HDAC4: variants seen among roughly 807,000 people sequenced by gnomAD.
The protein encoded by HDAC4 is histone deacetylase 4.
HDAC4 carries 16 observed loss-of-function variants against 135.1 expected under a neutral mutation model. The observed-to-expected ratio is 0.12, with a 90% CI of 0.08 to 0.18. HDAC4 has a LOEUF of 0.18. Ranked by LOEUF, HDAC4 falls within the 10% of genes least tolerant of loss-of-function variation. The probability of loss-of-function intolerance (pLI) is 1.00; values close to 1 mark genes in which losing one functional copy is unlikely to be tolerated. For missense variants in HDAC4, 1,143 were observed against 1,511.8 expected (o/e 0.76, Z 4.05); for synonymous variants, 685 against 653.4 (o/e 1.05, Z -0.74).
At chr2:239,374,713 T>C (rs1414023823) in intron 1 of HDAC4, among the ~76,000 whole-genome samples, 3 of 152,222 alleles carry the variant, frequency 2.0e-5, no homozygotes, top group Non-Finnish European at 4.4e-5. Context: ...AACAAGGCTT[T>C]AAAAATTAAG....
chr2:239,157,746 C>A (rs1559528499), intron 6 of HDAC4, among the ~76,000 whole-genome samples: 1 of 152,198 alleles, frequency 6.6e-6, no homozygotes, highest in Non-Finnish European at 1.5e-5. Flanking sequence ...CACCAATGCA[C>A]CTGGAGTTAT....
intron 7 of HDAC4, among the ~76,000 whole-genome samples, chr2:239,152,956 A>T (rs141418347): frequency 1.8e-4 from 27 of 152,358 alleles, no homozygotes; most frequent in African/African-American, 5.0e-4. Flanking sequence ...AGCAATTTAA[A>T]GGTACATTTC....
intron 16 of HDAC4, chr2:239,102,503 T>G: frequency 2.2e-6 from 1 of 456,646 alleles, no homozygotes; most frequent in Non-Finnish European, 4.1e-6. Flanking sequence ...GCTGTGTTCC[T>G]AATCAGCCTC....
At chr2:239,063,956 G>A (rs1574874235) in intron 24 of HDAC4, among the ~76,000 whole-genome samples, 1 of 152,210 alleles carries the variant, frequency 6.6e-6, no homozygotes, top group African/African-American at 2.4e-5. Context: ...CTCCCTCAGC[G>A]GCTGCGCATG....
Position 239,068,707 on chromosome 2 carries a change from G to A in HDAC4, c.2751-100C>T, listed in dbSNP as rs761122093. ...CTCTGGCATTGATAATGCCTGCCCC[G>A]CACCCCCTCGGCCACTGGCGGGCTG... On this transcript the variant is annotated intron_variant, in intron 22 of 26. Coordinates refer to ENST00000543185, the MANE Select transcript of HDAC4 (RefSeq NM_001378414.1). The surrounding 1 kb of genome is among the most constrained non-coding windows in gnomAD (Gnocchi z 4.4). 80 of 1,024,328 alleles carry A rather than the reference G, an allele frequency of 7.8e-5. 1 individual carries two copies. The highest frequency in any genetic ancestry group is 1.7e-4 in the East Asian group (7 of 41,988). 63.5% of individuals were successfully genotyped at this position (1,024,328 alleles called of 1,614,324 possible).
chr2:239,188,210 G>C (rs988357599), intron 4 of HDAC4, among the ~76,000 whole-genome samples: 4 of 152,180 alleles, frequency 2.6e-5, no homozygotes, highest in Non-Finnish European at 5.9e-5. Context: ...AGCTGTCCCT[G>C]AGCCTGTCCT....
Position 239,102,775 on chromosome 2 carries a change from C to G in HDAC4, c.2233+1G>C. The G allele has an allele frequency of 6.2e-7, 1 of 1,613,790 alleles. No homozygotes were observed. The highest frequency in any genetic ancestry group is 1.7e-5 in the Admixed American group (1 of 60,016). ...GGGAGGAAAGGAAGGTCCTGAAATACCTAGAAGTTTCTTACTGTCCAGTTT... is the reference window on the plus strand; with the variant it reads ...GGGAGGAAAGGAAGGTCCTGAAATAGCTAGAAGTTTCTTACTGTCCAGTTT... On this transcript the variant is annotated splice_donor_variant, in intron 16 of 26. Coordinates refer to ENST00000543185, the MANE Select transcript of HDAC4 (RefSeq NM_001378414.1). LOFTEE classifies it high-confidence loss of function.
chr2:239,092,434 G>C (rs567366000), intron 17 of HDAC4, among the ~76,000 whole-genome samples: 2 of 152,132 alleles, frequency 1.3e-5, no homozygotes, highest in Non-Finnish European at 2.9e-5. Flanking sequence ...TAGGCTTTGG[G>C]ATTAGGCCAA....
intron 5 of HDAC4, among the ~76,000 whole-genome samples, chr2:239,176,141 C>T (rs1178062686): frequency 6.6e-6 from 1 of 152,134 alleles, no homozygotes; most frequent in Non-Finnish European, 1.5e-5. Flanking sequence ...CTCCTTCTGC[C>T]CCTCACCTTC....
At chr2:239,224,385 G>A (rs564156201) in intron 3 of HDAC4, among the ~76,000 whole-genome samples, 5 of 152,294 alleles carry the variant, frequency 3.3e-5, no homozygotes, top group South Asian at 2.1e-4. Flanking sequence ...ACGTGGTGTC[G>A]CTTCTCTGCT....
chr2:239,220,358 C>A (rs1355055292), intron 3 of HDAC4, among the ~76,000 whole-genome samples: 1 of 151,982 alleles, frequency 6.6e-6, no homozygotes, highest in African/African-American at 2.4e-5. Context: ...ACAAAAGGAA[C>A]CCAAACAAAT....
chr2:239,218,283 G>C (rs1364680113), intron 3 of HDAC4, among the ~76,000 whole-genome samples: 1 of 151,886 alleles, frequency 6.6e-6, no homozygotes, highest in East Asian at 1.9e-4. Flanking sequence ...TAGATCAATG[G>C]AACAGAACAG....
intron 11 of HDAC4, 128 bp downstream of exon 11, chr2:239,134,117 T>C (rs2040783707): frequency 1.1e-5 from 8 of 739,202 alleles, no homozygotes; most frequent in Non-Finnish European, 1.9e-5. Flanking sequence ...TGGGGATGTG[T>C]GTTTGGGAAC....
At chr2:239,381,519 C>G (rs899153322) in intron 1 of HDAC4, among the ~76,000 whole-genome samples, 2 of 152,162 alleles carry the variant, frequency 1.3e-5, no homozygotes, top group African/African-American at 4.8e-5. Context: ...CACCCCCAAG[C>G]TGGTAAATGA....
intron 8 of HDAC4, among the ~76,000 whole-genome samples, chr2:239,143,747 G>A (rs2041564623): frequency 6.6e-6 from 1 of 152,234 alleles, no homozygotes; most frequent in Non-Finnish European, 1.5e-5. Context: ...GGCACCAGGA[G>A]CCCCTCCCCG....
Position 239,310,366 on chromosome 2 carries a change from G to C in HDAC4, c.22+42312C>G, listed in dbSNP as rs76760627. On this transcript the variant is annotated intron_variant, in intron 2 of 26. Transcript: ENST00000543185. ...TACACAAACTCTGAGTGACAGCATT[G>C]GTGTTTAGCAGATTCTGGATTTTGC... Among the ~76,000 whole-genome samples the C allele has an allele frequency of 2.0e-5, 3 of 152,324 alleles. No homozygotes were observed. The East Asian group carries it at 5.8e-4, about 29-fold the overall frequency.
chr2:239,242,957 C>T (rs2048271538), intron 2 of HDAC4, among the ~76,000 whole-genome samples: 1 of 152,094 alleles, frequency 6.6e-6, no homozygotes, highest in African/African-American at 2.4e-5. Context: ...CTTTGCATTC[C>T]TGTGACAAAC....
chr2:239,111,385 TG>T, intron 14 of HDAC4, 140 bp downstream of exon 14: 1 of 781,282 alleles, frequency 1.3e-6, no homozygotes, highest in Non-Finnish European at 2.2e-6. Context: ...CAGACCTGTG[TG>T]GTCCCCACCA....
chr2:239,074,999 G>A (rs375688064), intron 22 of HDAC4, among the ~76,000 whole-genome samples: 3 of 152,016 alleles, frequency 2.0e-5, no homozygotes, highest in African/African-American at 4.8e-5. Context: ...CGAGGCAGGC[G>A]GATCATGAGG....
Sources: allele counts gnomAD v4.1 joint callset (sites outside exome capture counted in the v4.1 genomes callset), GRCh38; gene constraint gnomAD v4.1.1; non-coding constraint Gnocchi (gnomAD v3.1); transcripts MANE v1.5; gene names NCBI Gene and HGNC (gene_info 2026-07-23, HGNC 2026-07-21).